The following NRG1 variants were observed in gnomAD, a reference collection of about 807,000 sequenced individuals.
NRG1 encodes the protein neuregulin 1, also known as pro-neuregulin-1, membrane-bound isoform.
Under a neutral mutation model 63.8 loss-of-function variants are expected in NRG1, and 18 were observed. That is an observed-to-expected ratio of 0.28 (90% CI 0.19 to 0.42). NRG1 has a LOEUF of 0.42. Ranked by LOEUF, NRG1 falls within the 10% of genes least tolerant of loss-of-function variation. NRG1 has a pLI of 1.00. For missense variants in NRG1, 762 were observed against 814.7 expected (o/e 0.94, Z 0.79); for synonymous variants, 302 against 301.3 (o/e 1.00, Z -0.02).
At chr8:31,827,230 A>G (rs1279048593) in intron 1 of NRG1, among the ~76,000 whole-genome samples, 1 of 152,200 alleles carries the variant, frequency 6.6e-6, no homozygotes, top group Non-Finnish European at 1.5e-5. Flanking sequence ...TGTCATGGAT[A>G]TTGTACCTGA....
rs575322518 is a variant in NRG1 at position 31,666,262 on chromosome 8, C to A, written c.37+26831C>A. ...GTGGGCATGTGGGAGACACTACCTTCTTCAAGTTATAAGCTTTGCATTAAA... is the reference window on the plus strand; with the variant it reads ...GTGGGCATGTGGGAGACACTACCTTATTCAAGTTATAAGCTTTGCATTAAA... On this transcript the variant is annotated intron_variant, in intron 1 of 10. Transcript: ENST00000519301. Among the ~76,000 whole-genome samples the A allele has an allele frequency of 5.3e-5, 8 of 152,300 alleles. No homozygotes were observed. The East Asian group carries it at 1.5e-3, about 29-fold the overall frequency.
intron 1 of NRG1, among the ~76,000 whole-genome samples, chr8:31,833,274 A>T (rs1400181198): frequency 6.6e-6 from 1 of 152,230 alleles, no homozygotes; most frequent in East Asian, 1.9e-4. Context: ...TATTCAACAG[A>T]TACAGGTATT....
chr8:32,742,923 C>T lies in NRG1; in HGVS notation c.691+190C>T. 1.4e-6 allele frequency: 2 copies of T among 1,469,126 alleles called. No homozygotes were observed. Among genetic ancestry groups the T allele is most frequent in the South Asian group, 2.9e-5 (2 of 69,612 alleles). 91.0% of individuals were successfully genotyped at this position (1,469,126 alleles called of 1,614,324 possible). A position where few individuals can be genotyped will look rare whatever the true frequency, so the allele number is the denominator to read the frequency against. On this transcript the variant is annotated intron_variant, in intron 7 of 11. Transcript: ENST00000356819. This position sits in a 1 kb window ranked among gnomAD's most constrained non-coding sequence, Gnocchi z 4.2. ...ATTGTATTACTTCCTCTGTTCGCGACTAGTTGGCTCTGAGATACTAATAGG... is the reference window on the plus strand; with the variant it reads ...ATTGTATTACTTCCTCTGTTCGCGATTAGTTGGCTCTGAGATACTAATAGG...
At chr8:32,256,044 GT>G (rs1354572993) in intron 1 of NRG1, among the ~76,000 whole-genome samples, 1 of 152,178 alleles carries the variant, frequency 6.6e-6, no homozygotes, top group Non-Finnish European at 1.5e-5. Flanking sequence ...CTCATGCAGT[GT>G]TTTTCAGCTC....
chr8:31,685,528 G>A (rs1808794371), intron 1 of NRG1, among the ~76,000 whole-genome samples: 1 of 152,122 alleles, frequency 6.6e-6, no homozygotes, highest in African/African-American at 2.4e-5. Context: ...TTGTCATAGA[G>A]TCCATCTACA....
At chr8:31,951,805 G>A (rs530797416) in intron 1 of NRG1, among the ~76,000 whole-genome samples, 4 of 152,152 alleles carry the variant, frequency 2.6e-5, no homozygotes, top group African/African-American at 9.6e-5. Flanking sequence ...AGATTGAAAA[G>A]GAATATGGAA....
chr8:31,760,263 C>T (rs1402972385), intron 1 of NRG1, among the ~76,000 whole-genome samples: 1 of 152,128 alleles, frequency 6.6e-6, no homozygotes, highest in East Asian at 1.9e-4. Flanking sequence ...CAGCTTTCTA[C>T]ATATGGCTAG....
At chr8:31,941,816 A>G (rs982730159) in intron 1 of NRG1, among the ~76,000 whole-genome samples, 7 of 152,154 alleles carry the variant, frequency 4.6e-5, no homozygotes, top group South Asian at 2.1e-4. Flanking sequence ...TAAAATACAT[A>G]GGAATATACC....
At chr8:32,024,566 T>C (rs185740257) in intron 1 of NRG1, among the ~76,000 whole-genome samples, 3 of 152,304 alleles carry the variant, frequency 2.0e-5, no homozygotes, top group Admixed American at 6.5e-5. Flanking sequence ...GGAGATTTAT[T>C]AAATAAAAAT....
At chr8:32,721,924 C>A in intron 5 of NRG1, 1 of 1,511,552 alleles carries the variant, frequency 6.6e-7, no homozygotes, top group Middle Eastern at 1.7e-4. Context: ...GCTCATTATA[C>A]CTAATTGCAA....
chr8:31,717,490 A>G (rs1029258091), intron 1 of NRG1, among the ~76,000 whole-genome samples: 2 of 151,890 alleles, frequency 1.3e-5, no homozygotes, highest in South Asian at 2.1e-4. Flanking sequence ...AAATTTATTT[A>G]TAGGAGGACA....
At chr8:32,361,025 T>C (rs56111503) in intron 1 of NRG1, among the ~76,000 whole-genome samples, 8,565 of 152,276 alleles carry the variant, frequency 0.056, 316 homozygotes, top group Middle Eastern at 0.099. Flanking sequence ...TCTTCAGAAA[T>C]GAACTTGGCT....
chr8:32,247,795 A>G (rs909794978), intron 1 of NRG1, among the ~76,000 whole-genome samples: 7 of 152,134 alleles, frequency 4.6e-5, no homozygotes, highest in Middle Eastern at 3.2e-3. Context: ...AATACACAAT[A>G]TAGGAAGTTA....
rs1846112321 is a variant in NRG1 at position 32,610,094 on chromosome 8, T to C, written c.400+4411T>C. Reference sequence around the variant, plus strand: ...ATTTTAATTTATATTTTCTATGAACTATCAGTCACTTTATTAATTTCATTT... The same window carrying C: ...ATTTTAATTTATATTTTCTATGAACCATCAGTCACTTTATTAATTTCATTT... On this transcript the variant is annotated intron_variant, in intron 3 of 11. Transcript: ENST00000356819. Among the ~76,000 whole-genome samples, 3 of 152,218 alleles carry C rather than the reference T, an allele frequency of 2.0e-5. No homozygotes were observed. In the South Asian group the frequency reaches 6.2e-4, roughly 32 times the overall value.
intron 1 of NRG1, among the ~76,000 whole-genome samples, chr8:31,774,964 A>G (rs1818976576): frequency 6.6e-6 from 1 of 152,216 alleles, no homozygotes; most frequent in African/African-American, 2.4e-5. Context: ...GGATGCAGAA[A>G]AAACAGAACC....
At chr8:32,387,054 C>G (rs1166862992) in intron 1 of NRG1, among the ~76,000 whole-genome samples, 3 of 152,040 alleles carry the variant, frequency 2.0e-5, no homozygotes, top group Non-Finnish European at 4.4e-5. Flanking sequence ...GAGAGATTCA[C>G]TAAAAGTTAG....
chr8:31,929,840 T>C (rs1834718632), intron 1 of NRG1, among the ~76,000 whole-genome samples: 1 of 152,226 alleles, frequency 6.6e-6, no homozygotes, highest in Non-Finnish European at 1.5e-5. Context: ...CTGTTGATCT[T>C]CTCATTGTTA....
chr8:31,747,253 T>A (rs531847880), intron 1 of NRG1, among the ~76,000 whole-genome samples: 1 of 152,084 alleles, frequency 6.6e-6, no homozygotes, highest in South Asian at 2.1e-4. Context: ...TCACATTGCA[T>A]GCCTGTATCA....
intron 5 of NRG1, among the ~76,000 whole-genome samples, chr8:32,649,159 CTTTT>C (rs35558760): frequency 8.1e-6 from 1 of 123,348 alleles, no homozygotes. Context: ...TGAGGTACAT[CTTTT>C]TTTTTTTTTT....
Sources: gnomAD v4.1 joint callset for allele counts (sites outside exome capture counted in the v4.1 genomes callset) on GRCh38, gnomAD v4.1.1 for gene constraint, Gnocchi (gnomAD v3.1) non-coding constraint, MANE v1.5 for transcripts, NCBI Gene and HGNC (gene_info 2026-07-23, HGNC 2026-07-21) for gene names.